Variants in KIFC3 observed in about 807,000 individuals in gnomAD.
The protein encoded by KIFC3 is kinesin-like protein KIFC3.
A neutral mutation model predicts 101.8 loss-of-function variants in KIFC3; 60 were observed. The ratio of observed to expected loss-of-function variants is 0.59; its 90% confidence interval spans 0.48 to 0.73. KIFC3 has a LOEUF of 0.73. KIFC3 is among the 30% of genes least tolerant of loss of function. The pLI, the probability that KIFC3 is intolerant of heterozygous loss-of-function variation, is 0.00. For missense variants in KIFC3, 966 were observed against 1,137.1 expected (o/e 0.85, Z 2.16); for synonymous variants, 476 against 482.7 (o/e 0.99, Z 0.18).
Position 57,798,065 on chromosome 16 carries a change from G to T in KIFC3, c.172+7C>A. 6.3e-7 allele frequency: 1 copy of T among 1,591,366 alleles called. No individual in the cohort carries two copies. The highest frequency in any genetic ancestry group is 8.6e-7 in the Non-Finnish European group (1 of 1,169,174). ...AATAAAGAGGCATTTTAAAAATGCG[G>T]ACTCACCAGTTCTCAACCTCCCCGG... On this transcript the variant is annotated splice_region_variant and intron_variant, in intron 2 of 19. Transcript: ENST00000445690.
Position 57,813,426 on chromosome 16 carries a change from A to G in KIFC3, c.109-15144T>C, listed in dbSNP as rs558115365. ...TCTTGGAGGCACAGTGTCCCTGTCTAAATCTCCAGATAACCCAGAAAGCAC... is the reference window on the plus strand; with the variant it reads ...TCTTGGAGGCACAGTGTCCCTGTCTGAATCTCCAGATAACCCAGAAAGCAC... On this transcript the variant is annotated intron_variant, in intron 1 of 2. Coordinates refer to the KIFC3 transcript ENST00000563028. Among the ~76,000 whole-genome samples, 332 of 152,290 alleles carry G rather than the reference A, an allele frequency of 2.2e-3. 1 individual carries two copies. The highest frequency in any genetic ancestry group is 7.7e-3 in the African/African-American group (321 of 41,558).
intron 1 of KIFC3, among the ~76,000 whole-genome samples, chr16:57,838,546 G>T (rs2055742326): frequency 6.6e-6 from 1 of 152,178 alleles, no homozygotes; most frequent in Non-Finnish European, 1.5e-5. Flanking sequence ...GCACAGCCCC[G>T]AGTGGGAAAC....
rs540405095 is a variant in KIFC3 at position 57,838,351 on chromosome 16, T to C, written c.108+24378A>G. On this transcript the variant is annotated intron_variant, in intron 1 of 2. Coordinates refer to the KIFC3 transcript ENST00000563028. The stretch of plus-strand genomic sequence containing the variant: ...AGCATATACTAGTGGCAGCCCTGGC[T>C]GGGTCCTCGCAGCCACGCAATTTTT... Among the ~76,000 whole-genome samples, 4 of 152,296 alleles carry C rather than the reference T, an allele frequency of 2.6e-5. No homozygotes were observed. In the South Asian group the frequency reaches 6.2e-4, roughly 24 times the overall value.
intron 3 of KIFC3, among the ~76,000 whole-genome samples, chr16:57,794,209 CATATGTAAAG>C (rs1320355302): frequency 4.0e-5 from 6 of 151,776 alleles, no homozygotes; most frequent in African/African-American, 1.5e-4. Flanking sequence ...AATATACATA[CATATGTAAAG>C]TTTATCTTTT....
At chr16:57,848,686 T>A (rs913012615) in intron 1 of KIFC3, among the ~76,000 whole-genome samples, 1 of 152,184 alleles carries the variant, frequency 6.6e-6, no homozygotes, top group Non-Finnish European at 1.5e-5. Flanking sequence ...GTGTGCAGAC[T>A]GCTAAAATGT....
rs572533986 is a variant in KIFC3 at position 57,843,876 on chromosome 16, G to A, written c.108+18853C>T. On this transcript the variant is annotated intron_variant, in intron 1 of 2. Coordinates refer to the KIFC3 transcript ENST00000563028. ...TAATCCCAGCACTTTGGGAGGCCAA[G>A]GTGGGCAGATCATTTGAGGTCAGGA... Among the ~76,000 whole-genome samples, 3 of 152,268 alleles carry A rather than the reference G, an allele frequency of 2.0e-5. No individual in the cohort carries two copies. The East Asian group carries it at 5.8e-4, about 30-fold the overall frequency.
chr16:57,849,065 C>G (rs2055995094), intron 1 of KIFC3, among the ~76,000 whole-genome samples: 1 of 152,120 alleles, frequency 6.6e-6, no homozygotes, highest in African/African-American at 2.4e-5. Context: ...AAGCAGAGAA[C>G]AATAGTAGCT....
In KIFC3 at chr16:57,772,449, C is replaced by T. The variant is rs188025448; in HGVS notation, c.316-161G>A. On this transcript the variant is annotated intron_variant, in intron 3 of 19. Transcript: ENST00000445690. Reference sequence around the variant, plus strand: ...TTCAAGCATCCCATCACACCTGGGACTTCAGGTGAGAGAAACCTGGGCTGG... The same window carrying T: ...TTCAAGCATCCCATCACACCTGGGATTTCAGGTGAGAGAAACCTGGGCTGG... 7 of 582,182 alleles carry T rather than the reference C, an allele frequency of 1.2e-5. No homozygotes were observed. In the East Asian group the frequency reaches 1.5e-4, roughly 13 times the overall value. The allele number at this position is 582,182 out of a possible 1,614,324, so 36.1% of individuals were successfully genotyped here.
chr16:57,814,404 G>A (rs1354936261), intron 1 of KIFC3, among the ~76,000 whole-genome samples: 2 of 152,102 alleles, frequency 1.3e-5, no homozygotes, highest in African/African-American at 4.8e-5. Flanking sequence ...CCTGATTCAG[G>A]CTCCCATGCT....
rs143536428 is a variant in KIFC3, at chr16:57,770,983, C to T, written c.765+215G>A. On this transcript the variant is annotated intron_variant, in intron 6 of 19. Coordinates refer to ENST00000445690, the MANE Select transcript of KIFC3 (RefSeq NM_001130100.2). ...AGGGCAGAATCCAGGGGCTGCGCTG[C>T]ATCTGTGCCTGGCACCTCAGCTGTT... 6.0e-4 allele frequency among the ~76,000 whole-genome samples: 92 copies of T among 152,362 alleles called. No homozygotes were observed. In the East Asian group the frequency reaches 0.016, roughly 27 times the overall value.
At chr16:57,761,389 G>C in intron 14 of KIFC3, 24 bp downstream of exon 14, 5 of 1,613,758 alleles carry the variant, frequency 3.1e-6, no homozygotes, top group Non-Finnish European at 4.2e-6. Flanking sequence ...GTGTGGCTGT[G>C]GTCAGGGGCT....
intron 11 of KIFC3, 78 bp downstream of exon 11, chr16:57,765,381 C>T: frequency 7.0e-7 from 1 of 1,421,746 alleles, no homozygotes; most frequent in Non-Finnish European, 9.5e-7. Context: ...CTTCTTCCTG[C>T]CCAGCGCCCC....
intron 1 of KIFC3, among the ~76,000 whole-genome samples, chr16:57,819,767 G>A (rs1375565495): frequency 1.3e-5 from 2 of 152,084 alleles, no homozygotes; most frequent in African/African-American, 2.4e-5. Flanking sequence ...CACCATGTTG[G>A]TCAGGCTGGT....
At chr16:57,795,669 C>T (rs1021247001) in intron 2 of KIFC3, among the ~76,000 whole-genome samples, 1 of 152,158 alleles carries the variant, frequency 6.6e-6, no homozygotes, top group Admixed American at 6.5e-5. Context: ...ACACCGCCTC[C>T]CTCACCCATG....
chr16:57,815,680 C>T lies in KIFC3; in HGVS notation c.109-17398G>A, dbSNP rs1008644853. 10 of 1,280,246 alleles carry T rather than the reference C, an allele frequency of 7.8e-6. No individual in the cohort carries two copies. In the East Asian group the frequency reaches 5.6e-4, roughly 71 times the overall value. 79.3% of individuals were successfully genotyped at this position (1,280,246 alleles called of 1,614,324 possible). A position where few individuals can be genotyped will look rare whatever the true frequency, so the allele number is the denominator to read the frequency against. On this transcript the variant is annotated intron_variant, in intron 1 of 2. Coordinates refer to the KIFC3 transcript ENST00000563028. Reference sequence around the variant, plus strand: ...GTGGGTATTCCTGCTAAACACTCCACTCGGGGCCTGGGAGAAGGGGAGCAA... The same window carrying T: ...GTGGGTATTCCTGCTAAACACTCCATTCGGGGCCTGGGAGAAGGGGAGCAA...
intron 3 of KIFC3, chr16:57,781,952 G>A: frequency 4.1e-6 from 4 of 985,496 alleles, no homozygotes; most frequent in Non-Finnish European, 4.8e-6. Flanking sequence ...AGGAACAGCA[G>A]TGTGAGAAAG....
At chr16:57,768,366 G>A (rs2148927514) in intron 9 of KIFC3, among the ~76,000 whole-genome samples, 1 of 152,038 alleles carries the variant, frequency 6.6e-6, no homozygotes, top group East Asian at 1.9e-4. Flanking sequence ...AAAATGCTGT[G>A]TAAATAGTTG....
intron 1 of KIFC3, among the ~76,000 whole-genome samples, chr16:57,818,651 C>G (rs1555629352): frequency 6.6e-6 from 1 of 152,180 alleles, no homozygotes; most frequent in African/African-American, 2.4e-5. Context: ...TGTGAACCAC[C>G]AGCCTGGCTG....
At chr16:57,827,099 C>T (rs1161281642) in intron 1 of KIFC3, among the ~76,000 whole-genome samples, 2 of 152,352 alleles carry the variant, frequency 1.3e-5, no homozygotes, top group East Asian at 1.9e-4. Flanking sequence ...AGGAAAGGAG[C>T]GTGCAGAAAG....
Sources: gnomAD v4.1 joint callset for allele counts (sites outside exome capture counted in the v4.1 genomes callset) on GRCh38, gnomAD v4.1.1 for gene constraint, MANE v1.5 for transcripts, NCBI Gene and HGNC (gene_info 2026-07-23, HGNC 2026-07-21) for gene names.